RER1: variants seen among roughly 807,000 people sequenced by gnomAD.
RER1 encodes the protein retention in endoplasmic reticulum sorting receptor 1, also known as protein RER1.
Under a neutral mutation model 28.3 loss-of-function variants are expected in RER1, and 6 were observed. That is an observed-to-expected ratio of 0.21 (90% CI 0.12 to 0.42). The LOEUF is 0.42. RER1 is among the 10% of genes least tolerant of loss of function. The pLI is 1.00. For missense variants in RER1, 159 were observed against 252.9 expected, an observed-to-expected ratio of 0.63 and a Z score of 2.52; for synonymous variants, 110 against 95.9, an observed-to-expected ratio of 1.15 and a Z score of -0.86.
rs1339528538 is a variant in RER1 at position 2,403,020 on chromosome 1, T to C, written c.502-15T>C. ...AGCGGTTGTGCAGTAACTGAGTCTGTGTTTCTCTCCCCAGCACATGATTAA... is the reference window on the plus strand; with the variant it reads ...AGCGGTTGTGCAGTAACTGAGTCTGCGTTTCTCTCCCCAGCACATGATTAA... On this transcript the variant is annotated splice_polypyrimidine_tract_variant and intron_variant, in intron 6 of 6. Coordinates refer to ENST00000605895, the MANE Select transcript of RER1 (RefSeq NM_007033.5). 3 of 1,607,588 alleles carry C rather than the reference T, an allele frequency of 1.9e-6. No individual in the cohort carries two copies. Among genetic ancestry groups the C allele is most frequent in the Admixed American group, 1.7e-5 (1 of 59,654 alleles).
At chr1:2,393,746 C>A (rs1007971781) in intron 1 of RER1, among the ~76,000 whole-genome samples, 2 of 152,202 alleles carry the variant, frequency 1.3e-5, no homozygotes, top group African/African-American at 2.4e-5. Context: ...CACGTTCTTG[C>A]TCCTGCCGCC....
intron 3 of RER1, 129 bp from the exon 4 acceptor site, chr1:2,399,286 G>A: frequency 2.8e-6 from 2 of 702,662 alleles, no homozygotes; most frequent in Non-Finnish European, 5.2e-6. Context: ...CTTGCTATGA[G>A]TAAGTTTTGT....
At chr1:2,394,191 C>T (rs1330482653) in intron 1 of RER1, 2 of 152,230 alleles carry the variant, frequency 1.3e-5, no homozygotes, top group Admixed American at 6.5e-5. Flanking sequence ...AGGTGCTCCT[C>T]CTCTGTGTCT....
chr1:2,403,163 T>C lies in RER1; in HGVS notation c.*39T>C. 2 of 1,504,336 alleles carry C rather than the reference T, an allele frequency of 1.3e-6. No individual in the cohort carries two copies. The highest frequency in any genetic ancestry group is 1.9e-6 in the Non-Finnish European group (2 of 1,080,254). The allele number at this position is 1,504,336 out of a possible 1,614,324, so 93.2% of individuals were successfully genotyped here. A position where few individuals can be genotyped will look rare whatever the true frequency, so the allele number is the denominator to read the frequency against. On this transcript the variant is annotated 3_prime_UTR_variant, in exon 7 of 7. Transcript: ENST00000605895. ...GCTGCCTCACGTGTTGCAAGAACAGTTTTGAGCCATTGTTAACAATGCCTT... is the reference window on the plus strand; with the variant it reads ...GCTGCCTCACGTGTTGCAAGAACAGCTTTGAGCCATTGTTAACAATGCCTT...
intron 5 of RER1, 75 bp from the exon 6 acceptor site, chr1:2,402,132 G>C (rs1642873553): frequency 6.2e-7 from 1 of 1,613,968 alleles, no homozygotes; most frequent in Non-Finnish European, 8.5e-7. Context: ...CGGTGCAGCT[G>C]CAAGGCTGGA....
At chr1:2,400,249 CTGTG>C (rs1196134502) in intron 4 of RER1, among the ~76,000 whole-genome samples, 1 of 152,252 alleles carries the variant, frequency 6.6e-6, no homozygotes, top group Non-Finnish European at 1.5e-5. Flanking sequence ...TATGCTCTCA[CTGTG>C]TGGCCAGAAG....
chr1:2,397,809 G>T (rs1157636001), intron 3 of RER1, among the ~76,000 whole-genome samples: 1 of 152,130 alleles, frequency 6.6e-6, no homozygotes, highest in Non-Finnish European at 1.5e-5. Flanking sequence ...TTACTTGCTG[G>T]TAAACACGGG....
intron 4 of RER1, among the ~76,000 whole-genome samples, chr1:2,400,514 C>T (rs780622546): frequency 4.6e-5 from 7 of 152,210 alleles, no homozygotes; most frequent in Non-Finnish European, 1.0e-4. Flanking sequence ...CTCGGCCCCG[C>T]CCTGTTCTCT....
chr1:2,402,098 G>GATGCT lies in RER1; in HGVS notation c.366-108_366-104dup, dbSNP rs1314666436. 4 of 1,610,900 alleles carry GATGCT rather than the reference G, an allele frequency of 2.5e-6. No homozygotes were observed. The African/African-American group carries it at 5.3e-5, about 22-fold the overall frequency. On this transcript the variant is annotated intron_variant, in intron 5 of 6. Transcript: ENST00000605895. ...AGGGTAGACCCCTCCTTTCCACAGG[G>GATGCT]ATGCTTCTGTTTGCGGGGACGGTCG... is the stretch of plus-strand genomic sequence containing the variant.
At chr1:2,402,374 G>T (rs1332382632) in intron 6 of RER1, 32 bp downstream of exon 6, 20 of 1,613,322 alleles carry the variant, frequency 1.2e-5, no homozygotes, top group Non-Finnish European at 1.6e-5. Flanking sequence ...CACGCCGGCC[G>T]CAATCGCTGT....
At position 2,403,197 on chromosome 1, in the gene RER1, A is replaced by G. The variant is rs767157674; in HGVS notation, c.*73A>G. 7 of 1,169,304 alleles carry G rather than the reference A, an allele frequency of 6.0e-6. No homozygotes were observed. Among genetic ancestry groups the G allele is most frequent in the Non-Finnish European group, 9.0e-6 (7 of 780,018 alleles). 72.4% of individuals were successfully genotyped at this position (1,169,304 alleles called of 1,614,324 possible). ...ATTGTTAACAATGCCTTTTTTCTTC[A>G]CATAAAGTAGTTGATTACGAGGGAG... On this transcript the variant is annotated 3_prime_UTR_variant, in exon 7 of 7. Coordinates refer to ENST00000605895, the MANE Select transcript of RER1 (RefSeq NM_007033.5).
intron 6 of RER1, 31 bp from the exon 7 acceptor site, chr1:2,403,004 G>A (rs1435561549): frequency 3.8e-6 from 6 of 1,575,176 alleles, no homozygotes; most frequent in Admixed American, 1.7e-5. Flanking sequence ...GAGCGGTTGT[G>A]CAGTAACTGA....
intron 5 of RER1, among the ~76,000 whole-genome samples, chr1:2,401,611 G>C (rs1444335610): frequency 6.6e-6 from 1 of 151,750 alleles, no homozygotes; most frequent in African/African-American, 2.4e-5. Flanking sequence ...ACCCCACTCT[G>C]GGAGCACAGG....
chr1:2,397,410 G>A (rs776725874), intron 3 of RER1, among the ~76,000 whole-genome samples, 190 bp downstream of exon 3: 4 of 152,176 alleles, frequency 2.6e-5, no homozygotes, highest in Non-Finnish European at 4.4e-5. Context: ...TGATTCACCC[G>A]GAGTCGCCTC....
At chr1:2,397,938 G>T (rs954353341) in intron 3 of RER1, among the ~76,000 whole-genome samples, 16 of 152,162 alleles carry the variant, frequency 1.1e-4, no homozygotes, top group Non-Finnish European at 4.4e-5. Context: ...TTCTCCTCTG[G>T]GGACTGTAGA....
chr1:2,400,998 ACACTGATTTTTGTT>A, intron 5 of RER1, 63 bp downstream of exon 5: 1 of 1,408,610 alleles, frequency 7.1e-7, no homozygotes, highest in African/African-American at 1.4e-5. Context: ...GACTGAGACT[ACACTGATTTTTGTT>A]CAAGTCACCT....
chr1:2,393,729 C>T (rs1365836482), intron 1 of RER1, among the ~76,000 whole-genome samples: 1 of 152,238 alleles, frequency 6.6e-6, no homozygotes. Flanking sequence ...TGTTGGAGTC[C>T]AAAGTTCACG....
intron 1 of RER1, chr1:2,393,291 C>T (rs1164813429): frequency 2.6e-5 from 4 of 152,140 alleles, no homozygotes; most frequent in Non-Finnish European, 4.4e-5. Context: ...CAGCCCCGAA[C>T]CAGACAAGGG....
intron 1 of RER1, among the ~76,000 whole-genome samples, chr1:2,393,481 A>G (rs1169268657): frequency 6.6e-6 from 1 of 152,152 alleles, no homozygotes; most frequent in Non-Finnish European, 1.5e-5. Flanking sequence ...AGAGAAGAGG[A>G]CTGCAGAGGG....
Sources: gnomAD v4.1 joint callset for allele counts (sites outside exome capture counted in the v4.1 genomes callset) on GRCh38, gnomAD v4.1.1 for gene constraint, MANE v1.5 for transcripts, NCBI Gene and HGNC (gene_info 2026-07-23, HGNC 2026-07-21) for gene names.